ZNF516: variants seen among roughly 807,000 people sequenced by gnomAD.
The protein encoded by ZNF516 is zinc finger protein 516.
A neutral mutation model predicts 79.7 loss-of-function variants in ZNF516; 19 were observed. The observed-to-expected ratio is 0.24, with a 90% CI of 0.17 to 0.35. The LOEUF (loss-of-function observed/expected upper bound fraction) is 0.35. Among genes scored for constraint, ZNF516 ranks in the 10% least tolerant of loss-of-function variants. ZNF516 has a pLI of 1.00. For synonymous variants in ZNF516, 877 were observed against 739.5 expected, an observed-to-expected ratio of 1.19 and a Z score of -3.02; for missense variants, 1,678 against 1,679.5, an observed-to-expected ratio of 1.00 and a Z score of 0.02.
intron 6 of ZNF516, among the ~76,000 whole-genome samples, chr18:76,366,514 G>A (rs962520071): frequency 2.0e-4 from 31 of 152,156 alleles, no homozygotes; most frequent in African/African-American, 6.8e-4. Flanking sequence ...AGAGAAGCAC[G>A]CTGGCAGGTT....
intron 3 of ZNF516, among the ~76,000 whole-genome samples, chr18:76,410,923 T>C (rs982089793): frequency 3.9e-5 from 6 of 152,198 alleles, no homozygotes; most frequent in Admixed American, 3.9e-4. Flanking sequence ...TACACAACAG[T>C]GTGCTCAGTC....
At chr18:76,460,548 A>C (rs760183388) in intron 2 of ZNF516, among the ~76,000 whole-genome samples, 2 of 152,326 alleles carry the variant, frequency 1.3e-5, no homozygotes, top group Non-Finnish European at 2.9e-5. Context: ...AAGAGGCCAC[A>C]CCATCCTGAG....
chr18:76,495,287 G>A (rs1038563013), upstream of ZNF516: 2 of 144,490 alleles, frequency 1.4e-5, no homozygotes, highest in Non-Finnish European at 3.1e-5. Context: ...GACGCGCGAG[G>A]GCGCGCGGGG....
chr18:76,440,059 C>T (rs562702088), intron 3 of ZNF516, among the ~76,000 whole-genome samples: 49 of 152,308 alleles, frequency 3.2e-4, no homozygotes, highest in African/African-American at 1.2e-3. Flanking sequence ...AGTTAAAATA[C>T]GCATTACTGA....
intron 3 of ZNF516, among the ~76,000 whole-genome samples, chr18:76,428,452 GTTTACTGCAGCAT>G (rs1474619729): frequency 2.6e-5 from 4 of 151,676 alleles, no homozygotes; most frequent in Non-Finnish European, 4.4e-5. Context: ...TTGTCAGCAT[GTTTACTGCAGCAT>G]GTTTACTGCA....
In ZNF516 at chr18:76,359,219, T is replaced by TA. The variant is rs1457062411; in HGVS notation, c.*3278dup. ...CAGGGAACCAGTGTCTTTCTTGGTT[T>TA]AAAAAATAAATAAGTAAATATTGGG... On this transcript the variant is annotated 3_prime_UTR_variant, in exon 7 of 7. Coordinates refer to ENST00000443185, the MANE Select transcript of ZNF516 (RefSeq NM_014643.4). 6.6e-6 allele frequency: 1 copy of TA among 152,200 alleles called. No homozygotes were observed. The highest frequency in any genetic ancestry group is 1.5e-5 in the Non-Finnish European group (1 of 68,038). The allele number at this position is 152,200 out of a possible 1,614,324, so 9.4% of individuals were successfully genotyped here. A position where few individuals can be genotyped will look rare whatever the true frequency, so the allele number is the denominator to read the frequency against.
chr18:76,421,733 A>C (rs747822801), intron 3 of ZNF516, among the ~76,000 whole-genome samples: 1 of 152,230 alleles, frequency 6.6e-6, no homozygotes, highest in African/African-American at 2.4e-5. Flanking sequence ...ACTAAGTATC[A>C]CCTATGTTTT....
At position 76,493,013 on chromosome 18, in the gene ZNF516, C is replaced by A. The variant is rs1393677422; in HGVS notation, c.-272+2131G>T. On this transcript the variant is annotated intron_variant, in intron 1 of 6. Coordinates refer to ENST00000443185, the MANE Select transcript of ZNF516 (RefSeq NM_014643.4). The surrounding 1 kb of genome is among the most constrained non-coding windows in gnomAD (Gnocchi z 5.2). Reference sequence around the variant, plus strand: ...TCACACACACACCCCAAATTACCTCCGGGATGGAGAAAGCCGCTGCGGATT... The same window carrying A: ...TCACACACACACCCCAAATTACCTCAGGGATGGAGAAAGCCGCTGCGGATT... 2.0e-6 allele frequency: 2 copies of A among 985,500 alleles called. No homozygotes were observed. The highest frequency in any genetic ancestry group is 2.4e-6 in the Non-Finnish European group (2 of 829,986). 61.0% of individuals were successfully genotyped at this position (985,500 alleles called of 1,614,324 possible).
intron 3 of ZNF516, among the ~76,000 whole-genome samples, chr18:76,403,746 G>A (rs937134928): frequency 4.6e-5 from 7 of 152,096 alleles, no homozygotes; most frequent in South Asian, 2.1e-4. Flanking sequence ...CACATACCAC[G>A]AGCGAAACAC....
rs893115989 is a variant in ZNF516, at chr18:76,360,405, T to C, written c.*2093A>G. 1 of 151,974 alleles carries C rather than the reference T, an allele frequency of 6.6e-6. No homozygotes were observed. The highest frequency in any genetic ancestry group is 2.4e-5 in the African/African-American group (1 of 41,350). The allele number at this position is 151,974 out of a possible 1,614,324, so 9.4% of individuals were successfully genotyped here. On this transcript the variant is annotated 3_prime_UTR_variant, in exon 7 of 7. Transcript: ENST00000443185. ...AAACAAAAGCCAGAAAATGCAGAAATGATCACTGTGGGGAAACTACTGAAA... is the reference window on the plus strand; with the variant it reads ...AAACAAAAGCCAGAAAATGCAGAAACGATCACTGTGGGGAAACTACTGAAA...
chr18:76,468,175 T>C (rs1401481607), intron 1 of ZNF516, among the ~76,000 whole-genome samples: 1 of 152,184 alleles, frequency 6.6e-6, no homozygotes, highest in Non-Finnish European at 1.5e-5. Flanking sequence ...CAGAAATGTG[T>C]TTTTTATGTT....
chr18:76,462,269 C>T (rs1216650755), intron 2 of ZNF516, among the ~76,000 whole-genome samples: 3 of 152,126 alleles, frequency 2.0e-5, no homozygotes, highest in African/African-American at 7.2e-5. Context: ...TTGTAGGAAT[C>T]CCAAGAAAAC....
At chr18:76,388,188 T>A (rs1057019420) in intron 3 of ZNF516, 1 of 152,064 alleles carries the variant, frequency 6.6e-6, no homozygotes, top group Non-Finnish European at 1.5e-5. Context: ...GCAATCACCA[T>A]CCTTCAAAGC....
At chr18:76,399,711 T>C (rs932461366) in intron 3 of ZNF516, among the ~76,000 whole-genome samples, 5 of 152,200 alleles carry the variant, frequency 3.3e-5, no homozygotes, top group Non-Finnish European at 5.9e-5. Context: ...GTCTGACTTC[T>C]AGCCCCAGGG....
At chr18:76,411,589 T>C (rs913609757) in intron 3 of ZNF516, among the ~76,000 whole-genome samples, 3 of 152,104 alleles carry the variant, frequency 2.0e-5, no homozygotes, top group Non-Finnish European at 2.9e-5. Flanking sequence ...AGTTACAAAA[T>C]ACGCCAAAAG....
chr18:76,474,187 T>C (rs1199793322), intron 1 of ZNF516, among the ~76,000 whole-genome samples: 1 of 152,216 alleles, frequency 6.6e-6, no homozygotes, highest in Non-Finnish European at 1.5e-5. Flanking sequence ...CTCGTAAGCA[T>C]GGCAGATTAA....
intron 3 of ZNF516, among the ~76,000 whole-genome samples, chr18:76,423,699 C>A (rs1422504523): frequency 1.4e-5 from 2 of 144,320 alleles, no homozygotes; most frequent in Non-Finnish European, 1.5e-5. Context: ...TGAAAAGGCT[C>A]CCCCGAAACA....
intron 3 of ZNF516, among the ~76,000 whole-genome samples, chr18:76,407,092 G>T (rs2075313767): frequency 6.6e-6 from 1 of 152,138 alleles, no homozygotes; most frequent in Admixed American, 6.5e-5. Context: ...GCTACAAAAT[G>T]AGTTAATTCT....
At chr18:76,426,943 C>T (rs995640492) in intron 3 of ZNF516, among the ~76,000 whole-genome samples, 8 of 152,184 alleles carry the variant, frequency 5.3e-5, no homozygotes, top group African/African-American at 1.7e-4. Context: ...GGAACCGAGG[C>T]GGGGTCCTTT....
Sources: gnomAD v4.1 joint callset for allele counts (sites outside exome capture counted in the v4.1 genomes callset) on GRCh38, gnomAD v4.1.1 for gene constraint, Gnocchi (gnomAD v3.1) non-coding constraint, MANE v1.5 for transcripts, NCBI Gene and HGNC (gene_info 2026-07-23, HGNC 2026-07-21) for gene names.